Variants in JCAD observed in about 807,000 individuals in gnomAD.
JCAD encodes the protein junctional cadherin 5-associated protein.
Under a neutral mutation model 98.0 loss-of-function variants are expected in JCAD, and 40 were observed. The observed-to-expected ratio is 0.41, with a 90% confidence interval of 0.32 to 0.53. The LOEUF (loss-of-function observed/expected upper bound fraction) is 0.53. Among genes scored for constraint, JCAD ranks in the 20% least tolerant of loss-of-function variants. The pLI is 0.31. For synonymous variants in JCAD, 691 were observed against 682.3 expected (o/e 1.01, Z -0.20); for missense variants, 1,705 against 1,738.1 (o/e 0.98, Z 0.34).
At chr10:30,068,995 T>A (rs1406177778) in intron 2 of JCAD, among the ~76,000 whole-genome samples, 4 of 152,250 alleles carry the variant, frequency 2.6e-5, no homozygotes, top group Non-Finnish European at 5.9e-5. Flanking sequence ...GAGGTGCCTC[T>A]TGTTTATAGG....
At position 30,052,644 on chromosome 10, in the gene JCAD, G is replaced by A. The variant is rs562064651; in HGVS notation, c.-59-4773C>T. Among the ~76,000 whole-genome samples the A allele has an allele frequency of 7.2e-5, 11 of 152,162 alleles. No homozygotes were observed. In the South Asian group the frequency reaches 1.9e-3, roughly 26 times the overall value. ...CCAGCAATTCTCCATCCCAGAGTGC[G>A]GGTGCTGCACGCTTACGCCAACGTA... is the stretch of plus-strand genomic sequence containing the variant. On this transcript the variant is annotated intron_variant, in intron 1 of 3. Transcript: ENST00000375377.
chr10:30,046,879 G>A (rs1038117810), intron 2 of JCAD, among the ~76,000 whole-genome samples: 7 of 152,088 alleles, frequency 4.6e-5, no homozygotes, highest in African/African-American at 1.7e-4. Flanking sequence ...ACTGCATGAG[G>A]CCAGGAGTTA....
chr10:30,013,636 G>A lies in JCAD; in HGVS notation c.*4247C>T, dbSNP rs1836471575. 1 of 152,286 alleles carries A rather than the reference G, an allele frequency of 6.6e-6. No individual in the cohort carries two copies. Among genetic ancestry groups the A allele is most frequent in the African/African-American group, 2.4e-5 (1 of 41,450 alleles). The allele number at this position is 152,286 out of a possible 1,614,324, so 9.4% of individuals were successfully genotyped here. ...CAGGGGTGAAGGGAGGTGGAAGAAA[G>A]AAGAGATGGTCCTTTGGCTTGGTTG... On this transcript the variant is annotated 3_prime_UTR_variant, in exon 4 of 4. Transcript: ENST00000375377.
intron 2 of JCAD, among the ~76,000 whole-genome samples, chr10:30,066,442 T>C (rs533772997): frequency 1.3e-5 from 2 of 152,284 alleles, no homozygotes; most frequent in East Asian, 1.9e-4. Flanking sequence ...TTACTAGTGG[T>C]AGAAAGACAT....
At chr10:30,048,827 C>T (rs1837410331) in intron 1 of JCAD, among the ~76,000 whole-genome samples, 1 of 152,170 alleles carries the variant, frequency 6.6e-6, no homozygotes, top group South Asian at 2.1e-4. Flanking sequence ...CTCTGCCTTC[C>T]AAAGTGCTGG....
rs2132611172 is a variant in JCAD, at chr10:30,026,245, G to C, written c.3903C>G (p.Gly1301=). 2 of 1,613,926 alleles carry C rather than the reference G, an allele frequency of 1.2e-6. No individual in the cohort carries two copies. Among genetic ancestry groups the C allele is most frequent in the Non-Finnish European group, 1.7e-6 (2 of 1,180,044 alleles). ...TTRGQAGLPG[G]LVSPGSGDRA... is the part of the protein sequence containing the mutation. ...GGTCCCCACTGCCAGGAGACACAAG[G>C]CCTCCCGGGAGCCCGGCCTGGCCCC... Residue 1301 remains glycine, a synonymous_variant, in exon 3 of 4, where the codon GGC becomes GGG. Coordinates refer to ENST00000375377, the MANE Select transcript of JCAD (RefSeq NM_020848.4).
At position 30,013,934 on chromosome 10, in the gene JCAD, T is replaced by C. The variant is rs919136712; in HGVS notation, c.*3949A>G. On this transcript the variant is annotated 3_prime_UTR_variant, in exon 4 of 4. Coordinates refer to ENST00000375377, the MANE Select transcript of JCAD (RefSeq NM_020848.4). ...ACCAAGGACTGTTTCGACAGGCAGG[T>C]TGCTAGCCCACATCAACCTTTTCAA... is the stretch of plus-strand genomic sequence containing the variant. The C allele has an allele frequency of 3.9e-5, 6 of 152,240 alleles. No homozygotes were observed. The highest frequency in any genetic ancestry group is 7.3e-5 in the Non-Finnish European group (5 of 68,046). The allele number at this position is 152,240 out of a possible 1,614,324, so 9.4% of individuals were successfully genotyped here. A position where few individuals can be genotyped will look rare whatever the true frequency, so the allele number is the denominator to read the frequency against.
chr10:30,047,138 C>T (rs1837354110), intron 2 of JCAD, among the ~76,000 whole-genome samples: 1 of 152,022 alleles, frequency 6.6e-6, no homozygotes, highest in African/African-American at 2.4e-5. Flanking sequence ...CTTTGGGAGG[C>T]CTAGGCGGGC....
Position 30,028,389 on chromosome 10 carries a change from C to T in JCAD, c.1759G>A (p.Val587Met). 1 of 1,614,218 alleles carries T rather than the reference C, an allele frequency of 6.2e-7. No homozygotes were observed. Among genetic ancestry groups the T allele is most frequent in the Non-Finnish European group, 8.5e-7 (1 of 1,180,044 alleles). ...ETIFCLVSIP[V>M]KSESHLPDRD... ...TCTGGCAGATGTGATTCTGATTTCA[C>T]TGGGATAGAAACCAAGCAAAATATA... Residue 587 changes from valine (V) to methionine (M), a missense_variant, in exon 3 of 4, where the codon GTG (valine) becomes ATG (methionine). Around this residue, in one of 3 missense-constraint regions of JCAD, gnomAD observed 1,278 missense variants for 1,243.1 expected, o/e 1.03. Coordinates refer to ENST00000375377, the MANE Select transcript of JCAD (RefSeq NM_020848.4).
chr10:30,064,095 G>C (rs1837746678), upstream of JCAD, among the ~76,000 whole-genome samples: 1 of 152,142 alleles, frequency 6.6e-6, no homozygotes, highest in Admixed American at 6.5e-5. Context: ...GAAAACCATT[G>C]CGCCCAGCCC....
Position 30,069,548 on chromosome 10 carries a change from T to C in JCAD, n.250+152A>G, listed in dbSNP as rs558578652. The stretch of plus-strand genomic sequence containing the variant: ...TTGCAGTGAGCTGAGATCACACCAC[T>C]GCACTCCAGCCTGGGCGACAGAGCG... On this transcript the variant is annotated intron_variant and non_coding_transcript_variant, in intron 2 of 2. Coordinates refer to the JCAD transcript ENST00000465712. Among the ~76,000 whole-genome samples the C allele has an allele frequency of 1.5e-4, 23 of 150,750 alleles. No individual in the cohort carries two copies. In the East Asian group the frequency reaches 4.1e-3, roughly 27 times the overall value.
chr10:30,089,900 T>C (rs1838234131), intron 1 of JCAD, among the ~76,000 whole-genome samples: 1 of 152,192 alleles, frequency 6.6e-6, no homozygotes, highest in African/African-American at 2.4e-5. Context: ...TCAAAATAAA[T>C]TCAAAATGAC....
chr10:30,034,252 T>C (rs183001344), intron 2 of JCAD, among the ~76,000 whole-genome samples: 122 of 151,278 alleles, frequency 8.1e-4, no homozygotes, highest in African/African-American at 2.9e-3. Context: ...ATAATAATGA[T>C]AATAACAATA....
chr10:30,061,367 A>AC (rs1391064245), upstream of JCAD, among the ~76,000 whole-genome samples: 1 of 151,952 alleles, frequency 6.6e-6, no homozygotes, highest in East Asian at 1.9e-4. Context: ...AGATGGTGAA[A>AC]CCCCATCTCT....
chr10:30,109,293 A>G (rs1158815025), intron 1 of JCAD, among the ~76,000 whole-genome samples: 1 of 152,198 alleles, frequency 6.6e-6, no homozygotes, highest in Non-Finnish European at 1.5e-5. Context: ...ATGCATGTCT[A>G]GGCTTGGTTC....
At chr10:30,048,424 T>TGCCAGGGCAGCCAC (rs1478694234) in intron 1 of JCAD, among the ~76,000 whole-genome samples, 1 of 152,182 alleles carries the variant, frequency 6.6e-6, no homozygotes, top group Non-Finnish European at 1.5e-5. Context: ...AAACAGCAAC[T>TGCCAGGGCAGCCAC]GCCAGGGCAG....
intron 1 of JCAD, among the ~76,000 whole-genome samples, chr10:30,052,183 A>C (rs1478602378): frequency 6.6e-6 from 1 of 152,100 alleles, no homozygotes; most frequent in Non-Finnish European, 1.5e-5. Context: ...GGGCTGGGTT[A>C]CCTCCCGCTT....
chr10:30,068,250 G>A (rs183507570), intron 2 of JCAD, among the ~76,000 whole-genome samples: 37 of 152,102 alleles, frequency 2.4e-4, no homozygotes, highest in Middle Eastern at 3.4e-3. Flanking sequence ...AATTAGCCGG[G>A]CATGGTGGCA....
chr10:30,035,372 C>T (rs138432937), intron 2 of JCAD, among the ~76,000 whole-genome samples: 13 of 152,270 alleles, frequency 8.5e-5, no homozygotes, highest in Middle Eastern at 3.4e-3. Flanking sequence ...ACAGGTCATC[C>T]GGGAAATTTT....
Sources: allele counts gnomAD v4.1 joint callset (sites outside exome capture counted in the v4.1 genomes callset), GRCh38; gene constraint gnomAD v4.1.1; regional missense constraint gnomAD v4.1.1; transcripts MANE v1.5; gene names NCBI Gene and HGNC (gene_info 2026-07-23, HGNC 2026-07-21).